The following ATP8A1 variants were observed in gnomAD, a reference collection of about 807,000 sequenced individuals.
ATP8A1 encodes the protein phospholipid-transporting ATPase IA.
Under a neutral mutation model 177.7 loss-of-function variants are expected in ATP8A1, and 90 were observed. The observed-to-expected ratio is 0.51, with a 90% confidence interval of 0.43 to 0.60. The LOEUF is 0.60. Ranked by LOEUF, ATP8A1 falls within the 20% of genes least tolerant of loss-of-function variation. ATP8A1 has a pLI of 0.00. For synonymous variants in ATP8A1, 493 were observed against 485.9 expected, an observed-to-expected ratio of 1.01 and a Z score of -0.19; for missense variants, 1,072 against 1,392.8, an observed-to-expected ratio of 0.77 and a Z score of 3.67.
intron 1 of ATP8A1, among the ~76,000 whole-genome samples, chr4:42,639,727 G>C (rs1262872185): frequency 6.6e-6 from 1 of 152,152 alleles, no homozygotes; most frequent in Non-Finnish European, 1.5e-5. Context: ...AATCAGAGAA[G>C]AACTATGGTG....
chr4:42,420,800 G>A (rs1171444479), intron 35 of ATP8A1, among the ~76,000 whole-genome samples: 4 of 140,794 alleles, frequency 2.8e-5, no homozygotes, highest in Admixed American at 2.3e-4. Context: ...ACAGAGTCTC[G>A]CTCTGTCACC....
chr4:42,553,265 C>T (rs1264988837), intron 16 of ATP8A1, among the ~76,000 whole-genome samples: 1 of 152,134 alleles, frequency 6.6e-6, no homozygotes, highest in African/African-American at 2.4e-5. Flanking sequence ...TGTTCATTTA[C>T]CTAGTTGTAA....
chr4:42,478,799 C>T (rs1578016246), intron 25 of ATP8A1, among the ~76,000 whole-genome samples: 1 of 152,162 alleles, frequency 6.6e-6, no homozygotes. Context: ...ATTGACACCT[C>T]ATTGTAAAAC....
intron 6 of ATP8A1, among the ~76,000 whole-genome samples, chr4:42,592,928 A>G (rs17447835): frequency 0.57 from 86,771 of 151,988 alleles, 24,940 homozygotes; most frequent in South Asian, 0.67. Context: ...GACTTCAAAC[A>G]TTCAGATGGC....
At chr4:42,514,559 A>G (rs1725337261) in intron 22 of ATP8A1, among the ~76,000 whole-genome samples, 1 of 152,216 alleles carries the variant, frequency 6.6e-6, no homozygotes, top group African/African-American at 2.4e-5. Context: ...CTCACTAAGT[A>G]GCTGAGTCTC....
At chr4:42,416,603 A>G (rs1277293495) in intron 35 of ATP8A1, among the ~76,000 whole-genome samples, 3 of 152,168 alleles carry the variant, frequency 2.0e-5, no homozygotes, top group Admixed American at 6.5e-5. Flanking sequence ...AAAGAAGCAC[A>G]TTACTCAGGA....
At chr4:42,645,812 A>C (rs1191991310) in intron 1 of ATP8A1, among the ~76,000 whole-genome samples, 1 of 152,180 alleles carries the variant, frequency 6.6e-6, no homozygotes, top group Non-Finnish European at 1.5e-5. Context: ...ATTTATCACA[A>C]CCATTCTGGC....
intron 17 of ATP8A1, among the ~76,000 whole-genome samples, chr4:42,551,495 G>C (rs1729499110): frequency 6.6e-6 from 1 of 152,184 alleles, no homozygotes; most frequent in South Asian, 2.1e-4. Flanking sequence ...AGAACTCAGA[G>C]TTACATTTCC....
chr4:42,651,847 C>A (rs1741130964), intron 1 of ATP8A1, among the ~76,000 whole-genome samples: 1 of 152,214 alleles, frequency 6.6e-6, no homozygotes, highest in South Asian at 2.1e-4. Flanking sequence ...CCCTGTCTAC[C>A]TCCACACTAG....
chr4:42,442,324 A>G (rs1716723494), intron 33 of ATP8A1, among the ~76,000 whole-genome samples: 1 of 152,232 alleles, frequency 6.6e-6, no homozygotes, highest in South Asian at 2.1e-4. Context: ...AAAAACAAAG[A>G]ATAGAATTAA....
At chr4:42,602,922 A>G (rs527767861) in intron 5 of ATP8A1, among the ~76,000 whole-genome samples, 1 of 152,326 alleles carries the variant, frequency 6.6e-6, no homozygotes, top group Non-Finnish European at 1.5e-5. Flanking sequence ...CCCAAGATCA[A>G]CTGACAGAGT....
chr4:42,544,052 G>T, intron 19 of ATP8A1, 66 bp from the exon 20 acceptor site: 1 of 1,274,466 alleles, frequency 7.8e-7, no homozygotes, highest in Non-Finnish European at 1.1e-6. Flanking sequence ...TGTTTGTCAT[G>T]CCTCACATAT....
intron 30 of ATP8A1, among the ~76,000 whole-genome samples, chr4:42,448,183 G>T (rs1560334954): frequency 6.6e-6 from 1 of 152,058 alleles, no homozygotes; most frequent in Non-Finnish European, 1.5e-5. Context: ...GAGAAAAATG[G>T]TATTGTTTGG....
At chr4:42,651,709 T>C (rs748265350) in intron 1 of ATP8A1, among the ~76,000 whole-genome samples, 1 of 152,206 alleles carries the variant, frequency 6.6e-6, no homozygotes, top group African/African-American at 2.4e-5. Flanking sequence ...GCTAAAACTA[T>C]TGTACATGAT....
chr4:42,593,820 T>C (rs1734443768), intron 6 of ATP8A1, among the ~76,000 whole-genome samples: 1 of 152,020 alleles, frequency 6.6e-6, no homozygotes, highest in Admixed American at 6.6e-5. Context: ...CAAAGTACTT[T>C]TGTGTTGGAA....
chr4:42,546,828 C>A (rs1728987410), intron 19 of ATP8A1, among the ~76,000 whole-genome samples: 1 of 152,188 alleles, frequency 6.6e-6, no homozygotes, highest in Non-Finnish European at 1.5e-5. Context: ...CTCTTTGAAT[C>A]CTCTTCTCCT....
At chr4:42,655,382 GCT>G (rs1458802346) in intron 1 of ATP8A1, among the ~76,000 whole-genome samples, 1 of 152,128 alleles carries the variant, frequency 6.6e-6, no homozygotes, top group Non-Finnish European at 1.5e-5. Context: ...GTTTTGCAGT[GCT>G]CTCAGACTTT....
intron 4 of ATP8A1, among the ~76,000 whole-genome samples, 154 bp downstream of exon 4, chr4:42,624,382 C>A (rs1737815241): frequency 6.6e-6 from 1 of 151,946 alleles, no homozygotes; most frequent in African/African-American, 2.4e-5. Context: ...CAAAAATCAA[C>A]TTCAGGGATA....
At chr4:42,618,183 C>T (rs1228962928) in intron 4 of ATP8A1, among the ~76,000 whole-genome samples, 3 of 152,174 alleles carry the variant, frequency 2.0e-5, no homozygotes, top group Non-Finnish European at 4.4e-5. Flanking sequence ...TCTTCCCTCC[C>T]TAGGTATTTC....
Sources: gnomAD v4.1 joint callset for allele counts (sites outside exome capture counted in the v4.1 genomes callset) on GRCh38, gnomAD v4.1.1 for gene constraint, MANE v1.5 for transcripts, NCBI Gene and HGNC (gene_info 2026-07-23, HGNC 2026-07-21) for gene names.